Variants in DNM3 observed in about 807,000 individuals in gnomAD.
DNM3 encodes dynamin-3.
DNM3 carries 47 observed loss-of-function variants against 101.6 expected under a neutral mutation model. That is an observed-to-expected ratio of 0.46 (90% CI 0.37 to 0.59). The LOEUF (loss-of-function observed/expected upper bound fraction) is 0.59, where lower values mean the gene tolerates loss of function less well. Among genes scored for constraint, DNM3 ranks in the 20% least tolerant of loss-of-function variants. DNM3 has a pLI of 0.00. For missense variants in DNM3, 849 were observed against 1,085.7 expected (o/e 0.78, Z 3.06); for synonymous variants, 385 against 387.9 (o/e 0.99, Z 0.09).
chr1:171,845,943 G>T (rs1278820843), intron 1 of DNM3, among the ~76,000 whole-genome samples: 5 of 152,190 alleles, frequency 3.3e-5, no homozygotes, highest in Admixed American at 3.3e-4. Context: ...TCTCAATTCT[G>T]CACAAATAGA....
intron 1 of DNM3, among the ~76,000 whole-genome samples, chr1:171,911,438 A>C (rs573288763): frequency 6.6e-6 from 1 of 152,066 alleles, no homozygotes; most frequent in South Asian, 2.1e-4. Context: ...GCGTGACACC[A>C]CGCCCGGCTA....
intron 14 of DNM3, among the ~76,000 whole-genome samples, chr1:172,156,583 A>G (rs1207165562): frequency 6.6e-6 from 1 of 151,800 alleles, no homozygotes; most frequent in Non-Finnish European, 1.5e-5. Flanking sequence ...TAATTGTTAT[A>G]ATGTAGGTGT....
chr1:172,340,315 G>A (rs990165342), intron 17 of DNM3, among the ~76,000 whole-genome samples: 1 of 152,198 alleles, frequency 6.6e-6, no homozygotes, highest in Non-Finnish European at 1.5e-5. Context: ...TAGGTTGACA[G>A]CCTCTACTCC....
intron 1 of DNM3, among the ~76,000 whole-genome samples, chr1:171,903,780 TAAACTGG>T (rs1174749988): frequency 1.3e-5 from 2 of 152,186 alleles, no homozygotes; most frequent in African/African-American, 4.8e-5. Context: ...TTAAGTAACC[TAAACTGG>T]AAAGACATTA....
At chr1:172,263,354 A>G (rs937640388) in intron 15 of DNM3, among the ~76,000 whole-genome samples, 5 of 152,224 alleles carry the variant, frequency 3.3e-5, no homozygotes, top group Admixed American at 6.5e-5. Flanking sequence ...ATCCGTTCCA[A>G]AGTATCAATT....
rs573708977 is a variant in DNM3 at position 172,307,297 on chromosome 1, G to C, written c.1770-1431G>C. Among the ~76,000 whole-genome samples, 5 of 152,312 alleles carry C rather than the reference G, an allele frequency of 3.3e-5. No individual in the cohort carries two copies. The South Asian group carries it at 8.3e-4, about 25-fold the overall frequency. ...AAATGCTCATCATCACTGATCATCA[G>C]AGAAATGCAAATCAAAAACCACGAT... On this transcript the variant is annotated intron_variant, in intron 15 of 20. Coordinates refer to ENST00000627582, the MANE Select transcript of DNM3 (RefSeq NM_015569.5).
intron 16 of DNM3, among the ~76,000 whole-genome samples, chr1:172,317,137 T>A (rs1035022334): frequency 6.6e-5 from 10 of 151,500 alleles, no homozygotes; most frequent in African/African-American, 1.2e-4. Context: ...CCTGAATGAC[T>A]ACTGGGTACA....
At chr1:172,261,297 A>G (rs764834921) in intron 15 of DNM3, among the ~76,000 whole-genome samples, 4 of 152,150 alleles carry the variant, frequency 2.6e-5, no homozygotes, top group South Asian at 4.1e-4. Context: ...TCTGACATGT[A>G]TCTATGGTAT....
At chr1:172,320,863 A>G (rs1261378935) in intron 16 of DNM3, among the ~76,000 whole-genome samples, 1 of 152,192 alleles carries the variant, frequency 6.6e-6, no homozygotes, top group Non-Finnish European at 1.5e-5. Flanking sequence ...AGTCTGAAAC[A>G]ATGTCCTGGA....
intron 1 of DNM3, among the ~76,000 whole-genome samples, chr1:171,886,388 C>CCTTCTTTAA (rs2036770196): frequency 6.6e-6 from 1 of 152,124 alleles, no homozygotes; most frequent in African/African-American, 2.4e-5. Context: ...AATAGAGGTT[C>CCTTCTTTAA]ATACTGAGGC....
At chr1:172,246,372 CA>C (rs1225826067) in intron 14 of DNM3, among the ~76,000 whole-genome samples, 3 of 151,674 alleles carry the variant, frequency 2.0e-5, no homozygotes, top group Admixed American at 6.6e-5. Context: ...TAGGACTTGT[CA>C]GAATTTTTTT....
At chr1:172,152,840 A>G (rs554793017) in intron 14 of DNM3, among the ~76,000 whole-genome samples, 2 of 152,304 alleles carry the variant, frequency 1.3e-5, no homozygotes, top group African/African-American at 4.8e-5. Flanking sequence ...ACGGTTTTTA[A>G]CCATGTAAGA....
chr1:172,400,492 A>G (rs1029521363), intron 20 of DNM3, among the ~76,000 whole-genome samples: 1 of 151,974 alleles, frequency 6.6e-6, no homozygotes, highest in African/African-American at 2.4e-5. Flanking sequence ...GAAAGGAAGG[A>G]GCAAAGGAAA....
At position 172,410,458 on chromosome 1, in the gene DNM3, T is replaced by C; in HGVS notation, c.*2617T>C. On this transcript the variant is annotated 3_prime_UTR_variant, in exon 21 of 21. Coordinates refer to ENST00000627582, the MANE Select transcript of DNM3 (RefSeq NM_015569.5). ...ATTTAAAAAATCAGTGTTTTTAGGATTTGGGAAAATAAACTGTAAATGTTT... is the reference window on the plus strand; with the variant it reads ...ATTTAAAAAATCAGTGTTTTTAGGACTTGGGAAAATAAACTGTAAATGTTT... The C allele has an allele frequency of 2.0e-6, 2 of 984,734 alleles. No individual in the cohort carries two copies. The highest frequency in any genetic ancestry group is 2.4e-6 in the Non-Finnish European group (2 of 829,308). The allele number at this position is 984,734 out of a possible 1,614,324, so 61.0% of individuals were successfully genotyped here.
chr1:172,092,943 C>A, intron 13 of DNM3, 68 bp downstream of exon 13: 1 of 1,397,176 alleles, frequency 7.2e-7, no homozygotes, highest in Non-Finnish European at 9.7e-7. Context: ...GCTTGATTGA[C>A]TATTTTTTTA....
intron 13 of DNM3, among the ~76,000 whole-genome samples, chr1:172,104,214 T>C (rs939330361): frequency 6.6e-6 from 1 of 152,178 alleles, no homozygotes; most frequent in African/African-American, 2.4e-5. Flanking sequence ...TGACTTTCAG[T>C]TTTTTTACTG....
At chr1:171,929,378 T>A (rs571626356) in intron 2 of DNM3, among the ~76,000 whole-genome samples, 1 of 152,314 alleles carries the variant, frequency 6.6e-6, no homozygotes, top group African/African-American at 2.4e-5. Flanking sequence ...GCCATGTTTT[T>A]GTAGGACAGC....
chr1:172,260,012 C>G (rs1277650126), intron 15 of DNM3, among the ~76,000 whole-genome samples: 1 of 151,972 alleles, frequency 6.6e-6, no homozygotes, highest in Non-Finnish European at 1.5e-5. Context: ...TAGGGGTGGT[C>G]TAGTGGTGCT....
chr1:172,293,414 C>A (rs548446441), intron 15 of DNM3, among the ~76,000 whole-genome samples: 1 of 152,272 alleles, frequency 6.6e-6, no homozygotes, highest in South Asian at 2.1e-4. Context: ...TCTTTTTTAG[C>A]ATTGAAGTGA....
Sources: allele counts gnomAD v4.1 joint callset (sites outside exome capture counted in the v4.1 genomes callset), GRCh38; gene constraint gnomAD v4.1.1; transcripts MANE v1.5; gene names NCBI Gene and HGNC (gene_info 2026-07-23, HGNC 2026-07-21).